The following CALN1 variants were observed in gnomAD, a reference collection of about 807,000 sequenced individuals.
The protein encoded by CALN1 is calneuron 1.
CALN1 carries 17 observed loss-of-function variants against 30.6 expected under a neutral mutation model. The ratio of observed to expected loss-of-function variants is 0.56; its 90% CI spans 0.38 to 0.83. The LOEUF (loss-of-function observed/expected upper bound fraction) is 0.83, where lower values mean the gene tolerates loss of function less well. CALN1 is among the 40% of genes least tolerant of loss of function. The pLI, the probability that CALN1 is intolerant of heterozygous loss-of-function variation, is 0.00. For missense variants in CALN1, 291 were observed against 354.9 expected (o/e 0.82, Z 1.45); for synonymous variants, 156 against 131.4 (o/e 1.19, Z -1.28).
chr7:72,159,269 G>C (rs1787935732), intron 3 of CALN1, among the ~76,000 whole-genome samples: 1 of 152,212 alleles, frequency 6.6e-6, no homozygotes, highest in Admixed American at 6.5e-5. Flanking sequence ...GCTGTGCAAT[G>C]CTAGGACACT....
chr7:72,136,812 AG>A (rs1809542972), intron 3 of CALN1, among the ~76,000 whole-genome samples: 1 of 152,174 alleles, frequency 6.6e-6, no homozygotes, highest in South Asian at 2.1e-4. Flanking sequence ...CCCCAAGGAG[AG>A]GGAGACAGAT....
At chr7:71,818,381 T>C (rs1340486362) in intron 5 of CALN1, among the ~76,000 whole-genome samples, 4 of 152,056 alleles carry the variant, frequency 2.6e-5, no homozygotes, top group African/African-American at 9.7e-5. Flanking sequence ...GACATGTTCA[T>C]TAACTGACAA....
At chr7:71,974,588 G>C (rs1485364879) in intron 5 of CALN1, among the ~76,000 whole-genome samples, 3 of 152,106 alleles carry the variant, frequency 2.0e-5, no homozygotes, top group African/African-American at 7.2e-5. Context: ...TTCTGTCCTT[G>C]AAGATTCTGG....
intron 5 of CALN1, among the ~76,000 whole-genome samples, chr7:71,856,608 G>A (rs1790961807): frequency 6.6e-6 from 1 of 152,090 alleles, no homozygotes; most frequent in Middle Eastern, 3.2e-3. Flanking sequence ...ATTTTCCACT[G>A]TTCTGTATTT....
intron 3 of CALN1, among the ~76,000 whole-genome samples, chr7:72,190,704 T>C (rs1270499534): frequency 2.0e-5 from 3 of 152,234 alleles, no homozygotes; most frequent in African/African-American, 7.2e-5. Flanking sequence ...CTTTGTACCT[T>C]GAATATTTGA....
chr7:71,820,621 A>C lies in CALN1; in HGVS notation c.502-10129T>G, dbSNP rs190876288. Reference sequence around the variant, plus strand: ...ATATCTGTTCCAGTCACTGCTTTTAACTCTTTGGGGTATATACCTAGAAGC... The same window carrying C: ...ATATCTGTTCCAGTCACTGCTTTTACCTCTTTGGGGTATATACCTAGAAGC... On this transcript the variant is annotated intron_variant, in intron 5 of 6. Coordinates refer to ENST00000395275, the MANE Select transcript of CALN1 (RefSeq NM_031468.4). 3.7e-3 allele frequency among the ~76,000 whole-genome samples: 559 copies of C among 152,198 alleles called. 4 individuals are homozygous for C. Among genetic ancestry groups the C allele is most frequent in the African/African-American group, 0.013 (521 of 41,526 alleles).
rs555154962 is a variant in CALN1, at chr7:72,070,497, A to G, written c.388+35654T>C. On this transcript the variant is annotated intron_variant, in intron 4 of 6. Coordinates refer to ENST00000395275, the MANE Select transcript of CALN1 (RefSeq NM_031468.4). ...CAACCTCAAATATTAAATATATTCC[A>G]CCTGCTCTTCATAATTATTGGTGAT... Among the ~76,000 whole-genome samples the G allele has an allele frequency of 2.6e-5, 4 of 152,272 alleles. No individual in the cohort carries two copies. In the South Asian group the frequency reaches 8.3e-4, roughly 32 times the overall value.
chr7:72,397,214 G>A (rs764096176), intron 2 of CALN1, among the ~76,000 whole-genome samples: 1 of 152,088 alleles, frequency 6.6e-6, no homozygotes, highest in South Asian at 2.1e-4. Context: ...CTCAACCCAT[G>A]TAGGATTTTA....
chr7:71,875,922 G>A (rs1483315065), intron 5 of CALN1, among the ~76,000 whole-genome samples: 2 of 152,166 alleles, frequency 1.3e-5, no homozygotes, highest in Admixed American at 1.3e-4. Flanking sequence ...CAGTAGCAAA[G>A]TGTCCCTGAC....
intron 2 of CALN1, among the ~76,000 whole-genome samples, chr7:72,333,343 A>G (rs780551943): frequency 6.6e-6 from 1 of 152,218 alleles, no homozygotes; most frequent in Non-Finnish European, 1.5e-5. Flanking sequence ...CATAATAGGC[A>G]CTGAATAAAT....
At chr7:72,180,423 A>T (rs1789682537) in intron 3 of CALN1, among the ~76,000 whole-genome samples, 1 of 151,752 alleles carries the variant, frequency 6.6e-6, no homozygotes. Flanking sequence ...GCCTTGCTTG[A>T]TGCAAACACC....
At chr7:72,470,668 A>G in the CALN1 span, among the ~76,000 whole-genome samples, 1 of 152,216 alleles carries the variant, frequency 6.6e-6, no homozygotes, top group East Asian at 1.9e-4. Flanking sequence ...TAAAATTAAA[A>G]TTAAACAATA....
intron 3 of CALN1, among the ~76,000 whole-genome samples, chr7:72,241,125 A>AT (rs1794801038): frequency 6.6e-6 from 1 of 152,178 alleles, no homozygotes; most frequent in Non-Finnish European, 1.5e-5. Context: ...CTTAGTTAAT[A>AT]TTTGCTGAAT....
intron 3 of CALN1, among the ~76,000 whole-genome samples, chr7:72,122,958 C>T (rs1433273094): frequency 1.3e-5 from 2 of 152,104 alleles, no homozygotes; most frequent in Non-Finnish European, 1.5e-5. Context: ...AAATCAGCAC[C>T]ACAGCAATAG....
At position 72,392,351 on chromosome 7, in the gene CALN1, G is replaced by A. The variant is rs190349883; in HGVS notation, c.119+10900C>T. ...AGGATGGTTGTTGGTTTATCCCCCC[G>A]AGTTTGGGGCGGTTTATTACAAAGC... On this transcript the variant is annotated intron_variant, in intron 2 of 6. Coordinates refer to ENST00000395275, the MANE Select transcript of CALN1 (RefSeq NM_031468.4). 1.7e-3 allele frequency among the ~76,000 whole-genome samples: 266 copies of A among 152,286 alleles called. 4 individuals carry two copies. The highest frequency in any genetic ancestry group is 5.3e-4 in the Non-Finnish European group (36 of 68,036).
intron 5 of CALN1, among the ~76,000 whole-genome samples, chr7:71,932,355 T>A (rs572979670): frequency 6.6e-6 from 1 of 152,054 alleles, no homozygotes; most frequent in African/African-American, 2.4e-5. Context: ...TTCATAGAGA[T>A]GAGGTCTCAC....
intron 3 of CALN1, among the ~76,000 whole-genome samples, chr7:72,213,623 T>C (rs1374335726): frequency 6.6e-6 from 1 of 152,152 alleles, no homozygotes; most frequent in Non-Finnish European, 1.5e-5. Flanking sequence ...TATGAGCTAA[T>C]GTTTATTTGG....
intron 3 of CALN1, among the ~76,000 whole-genome samples, chr7:72,149,397 G>A (rs1377382878): frequency 6.6e-6 from 1 of 151,784 alleles, no homozygotes; most frequent in Non-Finnish European, 1.5e-5. Flanking sequence ...GAACCCAGAG[G>A]TGGAGGATGC....
At chr7:72,032,671 C>T (rs1231552796) in intron 4 of CALN1, among the ~76,000 whole-genome samples, 1 of 152,168 alleles carries the variant, frequency 6.6e-6, no homozygotes, top group African/African-American at 2.4e-5. Flanking sequence ...AGATAGCTAT[C>T]AGGAGCTTTA....
Sources: gnomAD v4.1 joint callset for allele counts (sites outside exome capture counted in the v4.1 genomes callset) on GRCh38, gnomAD v4.1.1 for gene constraint, MANE v1.5 for transcripts, NCBI Gene and HGNC (gene_info 2026-07-23, HGNC 2026-07-21) for gene names.